SNTG1: variants seen among roughly 807,000 people sequenced by gnomAD.
SNTG1 encodes the protein syntrophin gamma 1.
In SNTG1, 39 loss-of-function variants were observed where a neutral mutation model predicts 74.7. That is an observed-to-expected ratio of 0.52 (90% CI 0.40 to 0.68). The LOEUF is 0.68. Ranked by LOEUF, SNTG1 falls within the 30% of genes least tolerant of loss-of-function variation. The pLI is 0.00. For synonymous variants in SNTG1, 254 were observed against 217.1 expected (o/e 1.17, Z -1.49); for missense variants, 685 against 609.5 (o/e 1.12, Z -1.30).
At chr8:50,726,163 C>T (rs1427858339) in intron 17 of SNTG1, among the ~76,000 whole-genome samples, 1 of 152,126 alleles carries the variant, frequency 6.6e-6, no homozygotes, top group African/African-American at 2.4e-5. Context: ...CCAGGAACTC[C>T]TCATTGCATT....
At chr8:50,475,922 G>A (rs1269606578) in intron 8 of SNTG1, among the ~76,000 whole-genome samples, 4 of 152,250 alleles carry the variant, frequency 2.6e-5, no homozygotes, top group South Asian at 2.1e-4. Context: ...GTACAAAAAC[G>A]TGAAGTGGAA....
intron 17 of SNTG1, among the ~76,000 whole-genome samples, chr8:50,712,849 G>A (rs7823683): frequency 0.21 from 31,185 of 151,972 alleles, 3,300 homozygotes; most frequent in South Asian, 0.31. Flanking sequence ...CTTTTTTATG[G>A]CTGCATATAC....
chr8:50,717,203 TC>T (rs1196655641), intron 17 of SNTG1, among the ~76,000 whole-genome samples: 16 of 152,206 alleles, frequency 1.1e-4, no homozygotes, highest in African/African-American at 3.9e-4. Flanking sequence ...TGTCTTGTTT[TC>T]CTTCTCCTTA....
At chr8:50,363,465 T>C (rs545590696) in intron 2 of SNTG1, among the ~76,000 whole-genome samples, 10 of 152,220 alleles carry the variant, frequency 6.6e-5, no homozygotes, top group African/African-American at 1.4e-4. Flanking sequence ...GCCTTTACAA[T>C]TGGACTTTGT....
chr8:50,581,410 C>T (rs573434033), intron 12 of SNTG1, among the ~76,000 whole-genome samples: 5 of 152,272 alleles, frequency 3.3e-5, no homozygotes, highest in African/African-American at 1.2e-4. Flanking sequence ...TAAATTTCAT[C>T]ATATTTACTC....
chr8:50,204,116 G>T (rs528130235), intron 2 of SNTG1, among the ~76,000 whole-genome samples: 1 of 152,200 alleles, frequency 6.6e-6, no homozygotes, highest in East Asian at 1.9e-4. Context: ...AAAAGGGAAT[G>T]GGAATGTTTG....
intron 8 of SNTG1, among the ~76,000 whole-genome samples, chr8:50,496,981 G>GAAAAAAAAAAAAA (rs34727478): frequency 1.4e-5 from 2 of 147,262 alleles, no homozygotes; most frequent in Non-Finnish European, 3.0e-5. Flanking sequence ...AAGAAAAATT[G>GAAAAAAAAAAAAA]AAAAAAAAAA....
intron 1 of SNTG1, among the ~76,000 whole-genome samples, chr8:50,007,443 A>C (rs1396376311): frequency 6.6e-6 from 1 of 152,116 alleles, no homozygotes; most frequent in Non-Finnish European, 1.5e-5. Flanking sequence ...AATCTCTTTC[A>C]TTTTAAAACG....
intron 4 of SNTG1, among the ~76,000 whole-genome samples, chr8:50,433,058 G>A (rs1477408113): frequency 6.6e-6 from 1 of 152,146 alleles, no homozygotes; most frequent in Non-Finnish European, 1.5e-5. Context: ...CCAAAGTGCT[G>A]GGATTACAGG....
At chr8:50,313,564 T>C (rs1412712738) in intron 2 of SNTG1, among the ~76,000 whole-genome samples, 1 of 149,774 alleles carries the variant, frequency 6.7e-6, no homozygotes, top group Non-Finnish European at 1.5e-5. Context: ...ATGTGCAACA[T>C]CGTTAATCAT....
At chr8:50,031,561 CT>C (rs1160114416) in intron 1 of SNTG1, among the ~76,000 whole-genome samples, 1 of 151,928 alleles carries the variant, frequency 6.6e-6, no homozygotes, top group Admixed American at 6.6e-5. Context: ...TTGGCAAATA[CT>C]TTTTTCCACA....
intron 2 of SNTG1, among the ~76,000 whole-genome samples, chr8:50,343,855 C>T (rs915034946): frequency 7.9e-5 from 12 of 152,068 alleles, no homozygotes; most frequent in Non-Finnish European, 4.4e-5. Flanking sequence ...GCATATTTTC[C>T]AGGCTTAATA....
At chr8:50,488,532 C>T (rs1472344100) in intron 8 of SNTG1, among the ~76,000 whole-genome samples, 4 of 152,160 alleles carry the variant, frequency 2.6e-5, no homozygotes, top group African/African-American at 9.7e-5. Flanking sequence ...CTTGTCTGCT[C>T]TGCCTGCCAT....
chr8:50,303,135 G>A (rs1010234805), intron 2 of SNTG1, among the ~76,000 whole-genome samples: 4 of 151,966 alleles, frequency 2.6e-5, no homozygotes, highest in African/African-American at 7.3e-5. Context: ...CTGTAAATAC[G>A]TTAGTAGCAT....
At chr8:50,604,771 C>A (rs1382766556) in intron 13 of SNTG1, among the ~76,000 whole-genome samples, 1 of 151,852 alleles carries the variant, frequency 6.6e-6, no homozygotes, top group Admixed American at 6.5e-5. Context: ...GGGTGTGAGA[C>A]AAAGTCCCCT....
At chr8:50,178,262 AT>A (rs953480471) in intron 2 of SNTG1, among the ~76,000 whole-genome samples, 5 of 152,092 alleles carry the variant, frequency 3.3e-5, no homozygotes, top group African/African-American at 1.2e-4. Context: ...TGGCAAAACC[AT>A]TTGGCATTCT....
chr8:50,689,397 C>G (rs2095367482), intron 15 of SNTG1, among the ~76,000 whole-genome samples: 1 of 152,082 alleles, frequency 6.6e-6, no homozygotes, highest in African/African-American at 2.4e-5. Context: ...TCATAGATAG[C>G]TCTTATTTTT....
intron 4 of SNTG1, among the ~76,000 whole-genome samples, chr8:50,432,680 GT>G (rs1291782387): frequency 6.6e-6 from 1 of 151,722 alleles, no homozygotes; most frequent in Non-Finnish European, 1.5e-5. Flanking sequence ...GAACATATTT[GT>G]TTTTTCTCTA....
At chr8:50,049,393 A>G (rs1435584160) in intron 1 of SNTG1, among the ~76,000 whole-genome samples, 2 of 152,186 alleles carry the variant, frequency 1.3e-5, no homozygotes, top group African/African-American at 4.8e-5. Flanking sequence ...GTCATTATAT[A>G]TAAAGGAGGT....
Sources: gnomAD v4.1 joint callset for allele counts (sites outside exome capture counted in the v4.1 genomes callset) on GRCh38, gnomAD v4.1.1 for gene constraint, MANE v1.5 for transcripts, NCBI Gene and HGNC (gene_info 2026-07-23, HGNC 2026-07-21) for gene names.